The following ANKRD30A variants were observed in gnomAD, a reference collection of about 807,000 sequenced individuals.
ANKRD30A encodes the protein ankyrin repeat domain 30A.
A neutral mutation model predicts 166.3 loss-of-function variants in ANKRD30A; 170 were observed. The ratio of observed to expected loss-of-function variants is 1.02; its 90% CI spans 0.90 to 1.16. ANKRD30A has a LOEUF of 1.16. Ranked by LOEUF, ANKRD30A falls within the 50% of genes most tolerant of loss-of-function variation. The pLI, the probability that ANKRD30A is intolerant of heterozygous loss-of-function variation, is 0.00. For missense variants in ANKRD30A, 1,630 were observed against 1,518.0 expected, an observed-to-expected ratio of 1.07 and a Z score of -1.23; for synonymous variants, 564 against 508.9, an observed-to-expected ratio of 1.11 and a Z score of -1.46.
chr10:37,195,552 A>G (rs1257017625), intron 27 of ANKRD30A, among the ~76,000 whole-genome samples: 1 of 152,166 alleles, frequency 6.6e-6, no homozygotes, highest in Non-Finnish European at 1.5e-5. Flanking sequence ...ATAATTGTCA[A>G]CCACATTACT....
chr10:37,264,498 A>G, the ANKRD30A span: 6 of 283,950 alleles, frequency 2.1e-5, no homozygotes, highest in Admixed American at 1.2e-4. Flanking sequence ...CCAGCCAAGA[A>G]GCCCTGTCTG....
the ANKRD30A span, among the ~76,000 whole-genome samples, chr10:37,246,131 T>G: frequency 1.1e-4 from 16 of 152,162 alleles, no homozygotes; most frequent in Admixed American, 1.0e-3. Context: ...AACACCAAGG[T>G]GCAAAAATCA....
intron 25 of ANKRD30A, among the ~76,000 whole-genome samples, chr10:37,191,373 C>G (rs1179822536): frequency 1.3e-5 from 2 of 151,976 alleles, no homozygotes; most frequent in Non-Finnish European, 2.9e-5. Context: ...CTACATTCAG[C>G]TGAACTCTCA....
intron 17 of ANKRD30A, 90 bp downstream of exon 17, chr10:37,162,938 A>G: frequency 6.8e-7 from 1 of 1,477,764 alleles, no homozygotes; most frequent in Non-Finnish European, 9.2e-7. Context: ...TATTTTTTTC[A>G]ACTTTGATGA....
intron 15 of ANKRD30A, among the ~76,000 whole-genome samples, chr10:37,160,117 C>A (rs554965504): frequency 6.6e-6 from 1 of 152,262 alleles, no homozygotes; most frequent in East Asian, 1.9e-4. Flanking sequence ...TGATTTAAGG[C>A]CTCATAGTTT....
chr10:37,223,490 T>C (rs866275386), intron 34 of ANKRD30A, among the ~76,000 whole-genome samples: 17 of 151,352 alleles, frequency 1.1e-4, no homozygotes, highest in African/African-American at 1.7e-4. Flanking sequence ...TTGATGACAA[T>C]GCTTTGAGGG....
chr10:37,157,202 T>A (rs1307561542), intron 13 of ANKRD30A, among the ~76,000 whole-genome samples: 1 of 152,230 alleles, frequency 6.6e-6, no homozygotes, highest in Non-Finnish European at 1.5e-5. Flanking sequence ...ATAACAATAG[T>A]TTAACACCTG....
In ANKRD30A at chr10:37,216,218, T is replaced by G; in HGVS notation, c.2907T>G (p.His969Gln). The G allele has an allele frequency of 6.2e-7, 1 of 1,606,390 alleles. No individual in the cohort carries two copies. The highest frequency in any genetic ancestry group is 8.5e-7 in the Non-Finnish European group (1 of 1,174,660). ...TSLSKILDTV[H>Q]SCERARELQK... Reference sequence around the variant, plus strand: ...TATCAAAAATCTTGGATACAGTTCATTCTTGTGAAAGAGCAAGGGAACTTC... The same window carrying G: ...TATCAAAAATCTTGGATACAGTTCAGTCTTGTGAAAGAGCAAGGGAACTTC... Residue 969 changes from histidine (H) to glutamine (Q), a missense_variant, in exon 32 of 36, where the codon CAT becomes CAG. Around this residue, in one of 4 missense-constraint regions of ANKRD30A, gnomAD observed 712 missense variants for 629.3 expected, o/e 1.13. Coordinates refer to ENST00000361713, the MANE Select transcript of ANKRD30A (RefSeq NM_052997.3).
intron 6 of ANKRD30A, among the ~76,000 whole-genome samples, chr10:37,140,482 C>A (rs139492344): frequency 1.3e-5 from 2 of 152,108 alleles, no homozygotes; most frequent in Admixed American, 6.5e-5. Context: ...TGTTGAGAAG[C>A]GCAGGTTATG....
At chr10:37,235,014 G>A (rs555556220), downstream of ANKRD30A, among the ~76,000 whole-genome samples, 3 of 152,228 alleles carry the variant, frequency 2.0e-5, no homozygotes, top group South Asian at 2.1e-4. Flanking sequence ...CCAAGGAAGC[G>A]CCTGTCTACC....
chr10:37,205,526 C>T (rs1016467931), intron 31 of ANKRD30A, among the ~76,000 whole-genome samples: 8 of 151,992 alleles, frequency 5.3e-5, no homozygotes, highest in African/African-American at 1.9e-4. Context: ...TGCAGTGCAC[C>T]AATATGGCAC....
intron 17 of ANKRD30A, 28 bp from the exon 18 acceptor site, chr10:37,165,066 G>C: frequency 6.3e-7 from 1 of 1,588,666 alleles, no homozygotes. Context: ...CTGTGCTCAT[G>C]AATGTATCTG....
chr10:37,232,891 T>TA (rs142064765), downstream of ANKRD30A, among the ~76,000 whole-genome samples: 9,272 of 127,192 alleles, frequency 0.073, 367 homozygotes, highest in African/African-American at 0.09. Flanking sequence ...TAGCCCCTGT[T>TA]AAAAAAAAAA....
chr10:37,127,046 C>CAAAAAAAAAAA lies in ANKRD30A; in HGVS notation c.221+1067_221+1077dup. On this transcript the variant is annotated intron_variant, in intron 1 of 35. Transcript: ENST00000361713. ...TAGGTGATAGAGTGAAACTCTGTCTCAAAAAAAAAAAAAAAAAAAAAAAAA... is the reference window on the plus strand; with the variant it reads ...TAGGTGATAGAGTGAAACTCTGTCTCAAAAAAAAAAAAAAAAAAAAAAAAAAAAAAAAAAAA... Among the ~76,000 whole-genome samples, 66 of 16,502 alleles carry CAAAAAAAAAAA rather than the reference C, an allele frequency of 4.0e-3. 9 individuals are homozygous for CAAAAAAAAAAA. The highest frequency in any genetic ancestry group is 0.012 in the East Asian group (2 of 168). 10.8% of individuals were successfully genotyped at this position (16,502 alleles called of 152,430 possible).
chr10:37,229,771 T>A (rs2132764688), intron 34 of ANKRD30A, among the ~76,000 whole-genome samples: 1 of 152,104 alleles, frequency 6.6e-6, no homozygotes, highest in East Asian at 1.9e-4. Context: ...CCTTTTGATT[T>A]GTTTTCTTTT....
rs67280688 is a variant in ANKRD30A, at chr10:37,190,044, T to G, written c.2512+487T>G. On this transcript the variant is annotated intron_variant, in intron 25 of 35. Transcript: ENST00000361713. ...TCTGACTCTTAATGTCTTTCTCACT[T>G]GTGGGAAGCCATTAGGGATGGAAGC... 6.7e-3 allele frequency among the ~76,000 whole-genome samples: 1,011 copies of G among 151,874 alleles called. 22 individuals are homozygous for G. The highest frequency in any genetic ancestry group is 9.2e-3 in the South Asian group (44 of 4,782).
chr10:37,148,229 A>G (rs1193692109), intron 9 of ANKRD30A, among the ~76,000 whole-genome samples: 4 of 152,092 alleles, frequency 2.6e-5, no homozygotes, highest in Non-Finnish European at 4.4e-5. Context: ...CATTCATGGG[A>G]AAAATGTGGA....
intron 33 of ANKRD30A, 151 bp from the exon 34 acceptor site, chr10:37,218,829 T>C: frequency 1.8e-6 from 1 of 545,296 alleles, no homozygotes; most frequent in Non-Finnish European, 3.2e-6. Flanking sequence ...CTCTATAGCA[T>C]TTAAAGTTTT....
chr10:37,136,699 T>G, intron 6 of ANKRD30A, 28 bp downstream of exon 6: 2 of 1,275,230 alleles, frequency 1.6e-6, no homozygotes, highest in South Asian at 2.7e-5. Context: ...AAACTACCCT[T>G]GGTGGTGCTA....
Sources: gnomAD v4.1 joint callset for allele counts (sites outside exome capture counted in the v4.1 genomes callset) on GRCh38, gnomAD v4.1.1 for gene constraint, gnomAD v4.1.1 regional missense constraint, MANE v1.5 for transcripts, NCBI Gene and HGNC (gene_info 2026-07-23, HGNC 2026-07-21) for gene names.